The following MGAT4D variants were observed in gnomAD, a reference collection of about 807,000 sequenced individuals.
The protein encoded by MGAT4D is alpha-1,3-mannosyl-glycoprotein 4-beta-N-acetylglucosaminyltransferase-like protein MGAT4D.
Under a neutral mutation model 15.9 loss-of-function variants are expected in MGAT4D, and 34 were observed. That is an observed-to-expected ratio of 2.14 (90% confidence interval 1.62 to 2.84). The LOEUF is 2.84. Ranked by LOEUF, MGAT4D falls within the 30% of genes most tolerant of loss-of-function variation. The probability of loss-of-function intolerance (pLI) is 0.00; values close to 1 mark genes in which losing one functional copy is unlikely to be tolerated. For missense variants in MGAT4D, 327 were observed against 140.2 expected (o/e 2.33, Z -6.73); for synonymous variants, 112 against 48.2 (o/e 2.33, Z -5.49).
At chr4:140,455,391 T>C (rs2126696602) in intron 9 of MGAT4D, among the ~76,000 whole-genome samples, 1 of 152,360 alleles carries the variant, frequency 6.6e-6, no homozygotes, top group South Asian at 2.1e-4. Flanking sequence ...CTTTATGTTG[T>C]TGATTTCTAA....
chr4:140,454,026 G>GTGTGTGTGTGTGTT (rs1730640083), intron 9 of MGAT4D, among the ~76,000 whole-genome samples: 1 of 152,010 alleles, frequency 6.6e-6, no homozygotes, highest in Admixed American at 6.6e-5. Flanking sequence ...GTGTGTGTGT[G>GTGTGTGTGTGTGTT]TGTGTGTGTG....
intron 10 of MGAT4D, chr4:140,449,868 ACACAG>A (rs1321043500): frequency 1.0e-4 from 19 of 188,982 alleles, no homozygotes; most frequent in African/African-American, 4.4e-4. Flanking sequence ...ATTAAGGGAA[ACACAG>A]CAACAAAAGT....
At chr4:140,483,918 C>A (rs1428533385) in intron 1 of MGAT4D, among the ~76,000 whole-genome samples, 1 of 152,046 alleles carries the variant, frequency 6.6e-6, no homozygotes, top group South Asian at 2.1e-4. Context: ...CTAGAAGAAA[C>A]CATTAGGAAA....
At chr4:140,461,036 G>A (rs1193763281) in intron 7 of MGAT4D, among the ~76,000 whole-genome samples, 2 of 152,148 alleles carry the variant, frequency 1.3e-5, no homozygotes, top group African/African-American at 4.8e-5. Context: ...TCCTCCATAA[G>A]AGAGACAGGG....
chr4:140,452,850 A>G (rs1245891586), intron 9 of MGAT4D, among the ~76,000 whole-genome samples: 1 of 151,962 alleles, frequency 6.6e-6, no homozygotes, highest in East Asian at 1.9e-4. Flanking sequence ...TTTTTTCTAT[A>G]TTTTCTTCCA....
At chr4:140,472,969 T>G (rs192848071) in intron 4 of MGAT4D, among the ~76,000 whole-genome samples, 406 of 152,204 alleles carry the variant, frequency 2.7e-3, no homozygotes, top group Non-Finnish European at 3.9e-3. Flanking sequence ...GACATCTTTA[T>G]TATAGAAAAT....
intron 1 of MGAT4D, among the ~76,000 whole-genome samples, chr4:140,494,455 A>C (rs1165385192): frequency 6.6e-6 from 1 of 151,760 alleles, no homozygotes; most frequent in East Asian, 1.9e-4. Flanking sequence ...CCCAAGACTT[A>C]CTCCTTTTGT....
intron 1 of MGAT4D, among the ~76,000 whole-genome samples, chr4:140,497,281 A>C (rs913937439): frequency 3.9e-5 from 6 of 152,238 alleles, no homozygotes; most frequent in Admixed American, 2.6e-4. Context: ...CCTAAGTCTT[A>C]AACTGAAAAA....
At chr4:140,483,489 G>A (rs560524684) in intron 1 of MGAT4D, among the ~76,000 whole-genome samples, 1 of 151,926 alleles carries the variant, frequency 6.6e-6, no homozygotes, top group East Asian at 1.9e-4. Flanking sequence ...ATCCAATTAC[G>A]TTTTTCACAG....
intron 1 of MGAT4D, among the ~76,000 whole-genome samples, chr4:140,489,474 G>T (rs1733366243): frequency 6.6e-6 from 1 of 152,054 alleles, no homozygotes; most frequent in Non-Finnish European, 1.5e-5. Context: ...TATTCTACTT[G>T]TTTCCTTCCC....
chr4:140,460,902 T>C (rs144946599), intron 7 of MGAT4D, among the ~76,000 whole-genome samples: 31 of 152,300 alleles, frequency 2.0e-4, no homozygotes, highest in African/African-American at 7.5e-4. Flanking sequence ...TTTATGCTTG[T>C]GATGAAAGGT....
chr4:140,487,570 TTTCA>T (rs1733226791), intron 1 of MGAT4D, among the ~76,000 whole-genome samples: 1 of 152,182 alleles, frequency 6.6e-6, no homozygotes, highest in Non-Finnish European at 1.5e-5. Context: ...ATCCAAAATG[TTTCA>T]ACATAAAAGT....
At chr4:140,473,628 C>T (rs1300838892) in intron 4 of MGAT4D, among the ~76,000 whole-genome samples, 2 of 152,200 alleles carry the variant, frequency 1.3e-5, no homozygotes, top group Non-Finnish European at 2.9e-5. Flanking sequence ...TAACCTTGGA[C>T]TTCTAAATCC....
chr4:140,474,064 T>A (rs1387401619), intron 4 of MGAT4D, among the ~76,000 whole-genome samples: 1 of 152,188 alleles, frequency 6.6e-6, no homozygotes, highest in Non-Finnish European at 1.5e-5. Flanking sequence ...AGAATTTGAA[T>A]TTCTGAGACA....
rs76110368 is a variant in MGAT4D at position 140,484,261 on chromosome 4, A to G, written c.95-1776T>C. Among the ~76,000 whole-genome samples, 1,491 of 152,282 alleles carry G rather than the reference A, an allele frequency of 9.8e-3. 134 individuals are homozygous for G. The East Asian group carries it at 0.23, about 24-fold the overall frequency. On this transcript the variant is annotated intron_variant, in intron 1 of 10. Transcript: ENST00000511113. ...TCAAATAGATATTTGTCAAAACAAG[A>G]CATGAATATGGCCAAGTACATAAAA...
At chr4:140,446,627 G>C (rs1181655908) in intron 10 of MGAT4D, among the ~76,000 whole-genome samples, 1 of 151,302 alleles carries the variant, frequency 6.6e-6, no homozygotes, top group Non-Finnish European at 1.5e-5. Flanking sequence ...ACCAACTCCT[G>C]GATTCATTGA....
At chr4:140,454,555 G>C (rs1344451697) in intron 9 of MGAT4D, among the ~76,000 whole-genome samples, 1 of 152,042 alleles carries the variant, frequency 6.6e-6, no homozygotes, top group Non-Finnish European at 1.5e-5. Flanking sequence ...ATGTGGCCTT[G>C]GTTTCCCTTT....
chr4:140,487,599 TTTACATTTTTGTA>T (rs1733229507), intron 1 of MGAT4D, among the ~76,000 whole-genome samples: 1 of 152,222 alleles, frequency 6.6e-6, no homozygotes, highest in Non-Finnish European at 1.5e-5. Context: ...AATGGGCTAT[TTTACATTTTTGTA>T]CTAAATATTC....
At chr4:140,471,875 A>G in intron 4 of MGAT4D, 54 bp from the exon 5 acceptor site, 1 of 352,640 alleles carries the variant, frequency 2.8e-6, no homozygotes, top group South Asian at 5.6e-5. Flanking sequence ...TAGTTCTATT[A>G]ATACAACTTC....
Sources: allele counts gnomAD v4.1 joint callset (sites outside exome capture counted in the v4.1 genomes callset), GRCh38; gene constraint gnomAD v4.1.1; transcripts MANE v1.5; gene names NCBI Gene and HGNC (gene_info 2026-07-23, HGNC 2026-07-21).